DPP10: variants seen among roughly 807,000 people sequenced by gnomAD.
The protein encoded by DPP10 is inactive dipeptidyl peptidase 10.
Under a neutral mutation model 120.9 loss-of-function variants are expected in DPP10, and 33 were observed. That is an observed-to-expected ratio of 0.27 (90% CI 0.21 to 0.37). The LOEUF is 0.37. Ranked by LOEUF, DPP10 falls within the 10% of genes least tolerant of loss-of-function variation. The probability of loss-of-function intolerance (pLI) is 1.00; values close to 1 mark genes in which losing one functional copy is unlikely to be tolerated. For missense variants in DPP10, 816 were observed against 942.8 expected (o/e 0.87, Z 1.76); for synonymous variants, 337 against 326.1 (o/e 1.03, Z -0.36).
intron 3 of DPP10, among the ~76,000 whole-genome samples, chr2:115,429,307 A>G (rs957199089): frequency 4.6e-5 from 7 of 152,078 alleles, no homozygotes; most frequent in African/African-American, 1.7e-4. Flanking sequence ...ACTGCATTTT[A>G]TTTATTAATA....
At chr2:114,597,506 CTCT>C (rs2105203905) in intron 1 of DPP10, among the ~76,000 whole-genome samples, 1 of 152,040 alleles carries the variant, frequency 6.6e-6, no homozygotes, top group South Asian at 2.1e-4. Flanking sequence ...TTCAGTAGAT[CTCT>C]TTTTATCTCA....
intron 1 of DPP10, among the ~76,000 whole-genome samples, chr2:114,876,085 T>C (rs1413143184): frequency 2.6e-5 from 4 of 152,096 alleles, no homozygotes; most frequent in Admixed American, 2.0e-4. Flanking sequence ...ACAAGCACTT[T>C]ATAAAGAAAA....
At chr2:115,723,524 G>T (rs1426439914) in intron 7 of DPP10, among the ~76,000 whole-genome samples, 1 of 151,856 alleles carries the variant, frequency 6.6e-6, no homozygotes, top group Non-Finnish European at 1.5e-5. Context: ...CAATTACGAA[G>T]AGTTTTCACT....
Position 114,822,838 on chromosome 2 carries a change from T to C in DPP10, c.60+380000T>C, listed in dbSNP as rs1015430174. Among the ~76,000 whole-genome samples, 4 of 152,174 alleles carry C rather than the reference T, an allele frequency of 2.6e-5. No homozygotes were observed. In the East Asian group the frequency reaches 7.7e-4, roughly 29 times the overall value. The stretch of plus-strand genomic sequence containing the variant: ...GTCTCTTTGCAGAGCAAGAATGACA[T>C]TTACTCTAGTTCTCAACAAGTTCCT... On this transcript the variant is annotated intron_variant, in intron 1 of 25. Coordinates refer to ENST00000410059, the MANE Select transcript of DPP10 (RefSeq NM_020868.6).
chr2:114,896,627 G>C (rs1162235958), intron 1 of DPP10, among the ~76,000 whole-genome samples: 2 of 152,194 alleles, frequency 1.3e-5, no homozygotes, highest in African/African-American at 4.8e-5. Flanking sequence ...AGTTTAAGGA[G>C]ATTTTGGGCT....
At chr2:114,556,230 G>GATAT (rs1237590391) in intron 1 of DPP10, among the ~76,000 whole-genome samples, 3 of 27,892 alleles carry the variant, frequency 1.1e-4, no homozygotes, top group African/African-American at 4.1e-4. Flanking sequence ...ATACATAGAT[G>GATAT]ATACATATAT....
intron 5 of DPP10, among the ~76,000 whole-genome samples, chr2:115,533,773 A>C (rs2078619477): frequency 1.3e-5 from 2 of 152,104 alleles, no homozygotes; most frequent in African/African-American, 4.8e-5. Flanking sequence ...CTCTGAGTTC[A>C]TCCTGAAATC....
At chr2:114,600,635 G>A (rs1692281938) in intron 1 of DPP10, among the ~76,000 whole-genome samples, 1 of 151,828 alleles carries the variant, frequency 6.6e-6, no homozygotes, top group South Asian at 2.1e-4. Flanking sequence ...ACAGCTACAA[G>A]CAATTTTGAT....
intron 1 of DPP10, among the ~76,000 whole-genome samples, chr2:115,094,748 TAACATTAAAATGGGC>T (rs1239368665): frequency 1.3e-5 from 2 of 152,156 alleles, no homozygotes; most frequent in Non-Finnish European, 2.9e-5. Context: ...GTGGCAAGCA[TAACATTAAAATGGGC>T]AAAGAAATAA....
chr2:115,544,828 A>G (rs2079401450), intron 5 of DPP10, among the ~76,000 whole-genome samples: 1 of 152,032 alleles, frequency 6.6e-6, no homozygotes, highest in Non-Finnish European at 1.5e-5. Flanking sequence ...TTTCAAATGT[A>G]GGGTTGCTTA....
chr2:114,798,106 A>G (rs1473475321), intron 1 of DPP10, among the ~76,000 whole-genome samples: 2 of 152,172 alleles, frequency 1.3e-5, no homozygotes, highest in Non-Finnish European at 1.5e-5. Context: ...TCAATCTGTC[A>G]AGGTCCCGAA....
In DPP10 at chr2:115,794,014, A is replaced by G. The variant is rs868341182; in HGVS notation, c.1700+2658A>G. Among the ~76,000 whole-genome samples the G allele has an allele frequency of 8.5e-5, 13 of 152,152 alleles. 1 individual carries two copies. The highest frequency in any genetic ancestry group is 5.2e-4 in the Admixed American group (8 of 15,264). ...AAAACTGCCCATGATTTAAAGCCATATTTTTTCTCAAGCTTAAAAACTGTT... is the reference window on the plus strand; with the variant it reads ...AAAACTGCCCATGATTTAAAGCCATGTTTTTTCTCAAGCTTAAAAACTGTT... On this transcript the variant is annotated intron_variant, in intron 19 of 25. Coordinates refer to ENST00000410059, the MANE Select transcript of DPP10 (RefSeq NM_020868.6).
intron 3 of DPP10, among the ~76,000 whole-genome samples, chr2:115,380,902 G>C (rs1428615506): frequency 6.6e-6 from 1 of 152,156 alleles, no homozygotes; most frequent in Admixed American, 6.5e-5. Flanking sequence ...CTGGCTTGTA[G>C]AGTTTCTGCC....
At chr2:115,532,400 G>A (rs1378512352) in intron 5 of DPP10, among the ~76,000 whole-genome samples, 2 of 151,964 alleles carry the variant, frequency 1.3e-5, no homozygotes, top group Non-Finnish European at 2.9e-5. Flanking sequence ...TTTTCAGAAA[G>A]TTCTTATTTA....
chr2:115,355,303 A>G (rs2064300407), intron 3 of DPP10, among the ~76,000 whole-genome samples: 1 of 152,066 alleles, frequency 6.6e-6, no homozygotes, highest in Non-Finnish European at 1.5e-5. Flanking sequence ...GCATTTCTCT[A>G]ATGATCAGTA....
intron 1 of DPP10, among the ~76,000 whole-genome samples, chr2:114,996,380 A>G (rs1221153591): frequency 6.6e-6 from 1 of 152,226 alleles, no homozygotes; most frequent in Non-Finnish European, 1.5e-5. Flanking sequence ...GAGTATGTCT[A>G]TTTAAAAGAT....
intron 1 of DPP10, among the ~76,000 whole-genome samples, chr2:115,195,684 T>C (rs1033487276): frequency 6.6e-6 from 1 of 152,222 alleles, no homozygotes; most frequent in Non-Finnish European, 1.5e-5. Flanking sequence ...TTTTTGTTCA[T>C]TTAGAAGTGG....
chr2:115,134,397 T>C (rs974361389), intron 1 of DPP10, among the ~76,000 whole-genome samples: 2 of 152,180 alleles, frequency 1.3e-5, no homozygotes, highest in African/African-American at 4.8e-5. Context: ...GCTGACTGGA[T>C]GGTGCACGTC....
intron 1 of DPP10, among the ~76,000 whole-genome samples, chr2:114,786,065 G>T (rs1328579802): frequency 4.6e-5 from 7 of 152,102 alleles, no homozygotes; most frequent in Non-Finnish European, 1.0e-4. Context: ...CTCCTATTTG[G>T]AGAACAAGAG....
Sources: gnomAD v4.1 joint callset for allele counts (sites outside exome capture counted in the v4.1 genomes callset) on GRCh38, gnomAD v4.1.1 for gene constraint, MANE v1.5 for transcripts, NCBI Gene and HGNC (gene_info 2026-07-23, HGNC 2026-07-21) for gene names.